Variants in CAMTA1 observed in about 807,000 individuals in gnomAD.
The protein encoded by CAMTA1 is calmodulin-binding transcription activator 1.
A neutral mutation model predicts 170.9 loss-of-function variants in CAMTA1; 27 were observed. That is an observed-to-expected ratio of 0.16 (90% CI 0.12 to 0.22). The LOEUF (loss-of-function observed/expected upper bound fraction) is 0.22. CAMTA1 is among the 10% of genes least tolerant of loss of function. The probability of loss-of-function intolerance (pLI) is 1.00; values close to 1 mark genes in which losing one functional copy is unlikely to be tolerated. For missense variants in CAMTA1, 1,619 were observed against 2,217.2 expected, an observed-to-expected ratio of 0.73 and a Z score of 5.42; for synonymous variants, 833 against 891.5, an observed-to-expected ratio of 0.93 and a Z score of 1.17.
chr1:7,538,012 C>A (rs925053529), intron 6 of CAMTA1, among the ~76,000 whole-genome samples: 2 of 152,182 alleles, frequency 1.3e-5, no homozygotes, highest in African/African-American at 4.8e-5. Context: ...TCTTCATGGG[C>A]CCCTGCCTAA....
rs78205533 is a variant in CAMTA1 at position 6,889,708 on chromosome 1, G to C, written c.234+64498G>C. Among the ~76,000 whole-genome samples the C allele has an allele frequency of 2.2e-3, 333 of 152,246 alleles. 21 individuals are homozygous for C. The East Asian group carries it at 0.06, about 27-fold the overall frequency. ...AAGGAGAAATCAGCATGTTTTTCTTGGCGCTCTTATATTGTGTGTGTGTAG... is the reference window on the plus strand; with the variant it reads ...AAGGAGAAATCAGCATGTTTTTCTTCGCGCTCTTATATTGTGTGTGTGTAG... On this transcript the variant is annotated intron_variant, in intron 3 of 22. Transcript: ENST00000303635.
At chr1:7,625,996 T>C (rs12138009) in intron 6 of CAMTA1, among the ~76,000 whole-genome samples, 33,177 of 152,200 alleles carry the variant, frequency 0.22, 5,040 homozygotes, top group African/African-American at 0.43. Flanking sequence ...AAACTGTATT[T>C]TCTAATCCAA....
At position 7,561,015 on chromosome 1, in the gene CAMTA1, A is replaced by C. The variant is rs1463888598; in HGVS notation, c.511-79385A>C. Among the ~76,000 whole-genome samples, 1 of 152,082 alleles carries C rather than the reference A, an allele frequency of 6.6e-6. No homozygotes were observed. Among genetic ancestry groups the C allele is most frequent in the Non-Finnish European group, 1.5e-5 (1 of 67,992 alleles). On this transcript the variant is annotated intron_variant, in intron 6 of 22. Coordinates refer to ENST00000303635, the MANE Select transcript of CAMTA1 (RefSeq NM_015215.4). This position sits in a 1 kb window ranked among gnomAD's most constrained non-coding sequence, Gnocchi z 5.3. ...GTATGACTGTGAAGGACAGGCTGGG[A>C]CCTAGAAGCCCTGGCCCTCTGCGCT...
chr1:6,820,344 G>A (rs1646345179), intron 2 of CAMTA1, 94 bp downstream of exon 2: 8 of 1,262,142 alleles, frequency 6.3e-6, no homozygotes, highest in Admixed American at 1.8e-5. Flanking sequence ...CCTTCAGCCC[G>A]GACTCAGAAG....
chr1:7,430,435 T>A (rs1034584860), intron 5 of CAMTA1, among the ~76,000 whole-genome samples: 2 of 151,240 alleles, frequency 1.3e-5, no homozygotes, highest in African/African-American at 4.9e-5. Context: ...ATGGTGGAGG[T>A]GACAGTGATA....
At chr1:7,536,507 A>G (rs2094550710) in intron 6 of CAMTA1, among the ~76,000 whole-genome samples, 1 of 152,082 alleles carries the variant, frequency 6.6e-6, no homozygotes, top group African/African-American at 2.4e-5. Context: ...GCAGCTGGAG[A>G]TCCCAGAATT....
At chr1:7,215,823 C>A (rs1659656187) in intron 4 of CAMTA1, among the ~76,000 whole-genome samples, 1 of 152,142 alleles carries the variant, frequency 6.6e-6, no homozygotes, top group Non-Finnish European at 1.5e-5. Context: ...TGTAATATTT[C>A]TATTTTATGA....
intron 5 of CAMTA1, among the ~76,000 whole-genome samples, chr1:7,341,104 A>G (rs1215696446): frequency 2.0e-5 from 3 of 152,150 alleles, no homozygotes; most frequent in Admixed American, 6.5e-5. Flanking sequence ...TCTGACCACA[A>G]AGGGTCTCCG....
chr1:6,868,523 A>G (rs1667425252), intron 3 of CAMTA1, among the ~76,000 whole-genome samples: 1 of 151,836 alleles, frequency 6.6e-6, no homozygotes, highest in African/African-American at 2.4e-5. Context: ...TGAGGTGAAA[A>G]TGGCGGCATT....
chr1:7,293,189 G>A lies in CAMTA1; in HGVS notation c.438+43563G>A, dbSNP rs533657110. On this transcript the variant is annotated intron_variant, in intron 5 of 22. Transcript: ENST00000303635. This position sits in a 1 kb window ranked among gnomAD's most constrained non-coding sequence, Gnocchi z 4.1. Reference sequence around the variant, plus strand: ...TGCCTTCCTGGGAAGGGATTGCGCTGCAGAAGCTGGGGCTGGTAAAGGCTG... The same window carrying A: ...TGCCTTCCTGGGAAGGGATTGCGCTACAGAAGCTGGGGCTGGTAAAGGCTG... 6.6e-6 allele frequency among the ~76,000 whole-genome samples: 1 copy of A among 152,296 alleles called. No homozygotes were observed. Among genetic ancestry groups the A allele is most frequent in the East Asian group, 1.9e-4 (1 of 5,180 alleles).
At chr1:7,677,369 GTAC>G (rs1282956189) in intron 10 of CAMTA1, among the ~76,000 whole-genome samples, 1 of 152,192 alleles carries the variant, frequency 6.6e-6, no homozygotes, top group African/African-American at 2.4e-5. Flanking sequence ...GGGCAGTTAC[GTAC>G]CTGGGAGTGA....
chr1:7,379,307 G>A, intron 5 of CAMTA1, among the ~76,000 whole-genome samples: 1 of 152,190 alleles, frequency 6.6e-6, no homozygotes, highest in South Asian at 2.1e-4. Context: ...CAGGAGACTT[G>A]CTGTTGGCAG....
At chr1:7,412,711 T>C (rs2090876536) in intron 5 of CAMTA1, among the ~76,000 whole-genome samples, 1 of 152,110 alleles carries the variant, frequency 6.6e-6, no homozygotes, top group Non-Finnish European at 1.5e-5. Context: ...AGGTTGCCTG[T>C]TCACTCTGAT....
chr1:7,301,171 G>A (rs1270675932), intron 5 of CAMTA1, among the ~76,000 whole-genome samples: 1 of 152,204 alleles, frequency 6.6e-6, no homozygotes, highest in Non-Finnish European at 1.5e-5. Flanking sequence ...TAGTCACCCG[G>A]CAGTAATTCA....
chr1:7,124,306 C>T (rs903588702), intron 4 of CAMTA1, among the ~76,000 whole-genome samples: 26 of 152,172 alleles, frequency 1.7e-4, no homozygotes, highest in African/African-American at 5.6e-4. Context: ...TAGGTGCTAC[C>T]GACGGGTGCA....
rs544788465 is a variant in CAMTA1, at chr1:7,266,226, G to A, written c.438+16600G>A. Among the ~76,000 whole-genome samples, 10 of 152,296 alleles carry A rather than the reference G, an allele frequency of 6.6e-5. No homozygotes were observed. The South Asian group carries it at 1.9e-3, about 28-fold the overall frequency. ...GGCAGAGGAGGGAACAAGGAACATGGTTCAGTTGCGGCCAGACCTAGGCCT... is the reference window on the plus strand; with the variant it reads ...GGCAGAGGAGGGAACAAGGAACATGATTCAGTTGCGGCCAGACCTAGGCCT... On this transcript the variant is annotated intron_variant, in intron 5 of 22. Transcript: ENST00000303635.
At chr1:7,246,184 C>G (rs1053751394) in intron 4 of CAMTA1, among the ~76,000 whole-genome samples, 1 of 152,214 alleles carries the variant, frequency 6.6e-6, no homozygotes, top group Non-Finnish European at 1.5e-5. Flanking sequence ...TGGAGTCAGA[C>G]CAACTCAGCG....
At chr1:6,855,422 A>G (rs1184981963) in intron 3 of CAMTA1, among the ~76,000 whole-genome samples, 1 of 151,602 alleles carries the variant, frequency 6.6e-6, no homozygotes, top group African/African-American at 2.4e-5. Context: ...TGGCAGAAGG[A>G]GAAGGGGAAG....
chr1:7,623,941 G>GT (rs899484946), intron 6 of CAMTA1, among the ~76,000 whole-genome samples: 5 of 152,342 alleles, frequency 3.3e-5, no homozygotes, highest in South Asian at 2.1e-4. Context: ...GCCAGAAAGT[G>GT]TTTTTTCCAA....
Sources: gnomAD v4.1 joint callset for allele counts (sites outside exome capture counted in the v4.1 genomes callset) on GRCh38, gnomAD v4.1.1 for gene constraint, Gnocchi (gnomAD v3.1) non-coding constraint, MANE v1.5 for transcripts, NCBI Gene and HGNC (gene_info 2026-07-23, HGNC 2026-07-21) for gene names.